CDRT4: variants seen among roughly 807,000 people sequenced by gnomAD.
CDRT4 encodes CMT1A duplicated region transcript 4.
For synonymous variants in CDRT4, 64 were observed against 69.6 expected (o/e 0.92, Z 0.40); for missense variants, 167 against 193.1 (o/e 0.87, Z 0.80).
chr17:15,449,670 T>A (rs1548680), intron 2 of CDRT4, among the ~76,000 whole-genome samples: 26,240 of 152,132 alleles, frequency 0.17, 3,997 homozygotes, highest in East Asian at 0.48. Flanking sequence ...AATATTGAAC[T>A]TTGTACCCAA....
At chr17:15,466,037 A>AAGGGAGGGAG (rs1893591157) in intron 1 of CDRT4, among the ~76,000 whole-genome samples, 1 of 141,810 alleles carries the variant, frequency 7.1e-6, no homozygotes, top group Non-Finnish European at 1.5e-5. Flanking sequence ...GAGGGAGAGA[A>AAGGGAGGGAG]AGGGAGGGAG....
chr17:15,465,830 G>T (rs1980012844), intron 1 of CDRT4, among the ~76,000 whole-genome samples: 1 of 151,336 alleles, frequency 6.6e-6, no homozygotes, highest in Admixed American at 6.6e-5. Flanking sequence ...CATCCACCGT[G>T]GGGAGGACAT....
At position 15,438,137 on chromosome 17, in the gene CDRT4, T is replaced by G. The variant is rs199741582; in HGVS notation, c.95A>C (p.Tyr32Ser). ...LLEKHDPWPA[Y>S]VTYTSQTVKR... ...CACTGTCTGAGAGGTATAGGTGACA[T>G]AGGCCGGCCAGGGGTCATGTTTTTC... Residue 32 changes from tyrosine to serine, a missense_variant, in exon 4 of 4, where the codon TAT becomes TCT. By Grantham distance (144) the Tyr-to-Ser change is moderately radical. Coordinates refer to ENST00000619038, the MANE Select transcript of CDRT4 (RefSeq NM_001204477.2). 6 of 1,614,176 alleles carry G rather than the reference T, an allele frequency of 3.7e-6. No homozygotes were observed. Among genetic ancestry groups the G allele is most frequent in the East Asian group, 2.2e-5 (1 of 44,884 alleles).
At chr17:15,465,209 CAG>C (rs1214603542) in intron 1 of CDRT4, among the ~76,000 whole-genome samples, 1 of 127,406 alleles carries the variant, frequency 7.8e-6, no homozygotes. Context: ...GACACACCAA[CAG>C]ACACACACCA....
chr17:15,442,209 G>A (rs1191805287), intron 2 of CDRT4, among the ~76,000 whole-genome samples: 1 of 152,088 alleles, frequency 6.6e-6, no homozygotes, highest in East Asian at 1.9e-4. Context: ...TTGGGAGTTC[G>A]AGATCAGCCT....
At chr17:15,441,886 C>T (rs943308486) in intron 2 of CDRT4, among the ~76,000 whole-genome samples, 5 of 152,096 alleles carry the variant, frequency 3.3e-5, no homozygotes, top group Admixed American at 3.3e-4. Context: ...AGAAATAATG[C>T]TCAAATAGTC....
intron 2 of CDRT4, among the ~76,000 whole-genome samples, chr17:15,447,818 C>T (rs1294259652): frequency 6.6e-6 from 1 of 152,100 alleles, no homozygotes; most frequent in East Asian, 1.9e-4. Flanking sequence ...AGCTTTTCAA[C>T]CTTTTTCTTC....
chr17:15,457,760 A>G (rs1466421618), intron 1 of CDRT4, among the ~76,000 whole-genome samples: 1 of 152,180 alleles, frequency 6.6e-6, no homozygotes, highest in Non-Finnish European at 1.5e-5. Context: ...GGGGCCACAG[A>G]CAGGGAGGGC....
intron 1 of CDRT4, among the ~76,000 whole-genome samples, chr17:15,458,517 G>C (rs1474512869): frequency 6.6e-6 from 1 of 152,054 alleles, no homozygotes; most frequent in African/African-American, 2.4e-5. Context: ...CTCAGTAGCG[G>C]GGCTGCTGGG....
At chr17:15,443,095 C>T (rs1978844327) in intron 2 of CDRT4, among the ~76,000 whole-genome samples, 1 of 152,050 alleles carries the variant, frequency 6.6e-6, no homozygotes, top group Non-Finnish European at 1.5e-5. Flanking sequence ...ATCTCTCATC[C>T]CACCATTTTC....
intron 2 of CDRT4, among the ~76,000 whole-genome samples, chr17:15,448,843 C>A (rs1466160810): frequency 2.0e-5 from 3 of 152,196 alleles, no homozygotes; most frequent in Non-Finnish European, 4.4e-5. Context: ...GGCACACTGT[C>A]CTCCTTTGCG....
chr17:15,443,683 T>C (rs1264835333), intron 2 of CDRT4: 2 of 421,410 alleles, frequency 4.7e-6, no homozygotes, highest in Non-Finnish European at 9.1e-6. Flanking sequence ...TTCTAGAAAA[T>C]GTCAACATTA....
chr17:15,462,792 A>G (rs1456262870), intron 1 of CDRT4, among the ~76,000 whole-genome samples: 1 of 152,158 alleles, frequency 6.6e-6, no homozygotes, highest in African/African-American at 2.4e-5. Flanking sequence ...TCAGGAGAGT[A>G]GTGACCTCTG....
At chr17:15,453,693 G>C (rs538084332) in intron 1 of CDRT4, among the ~76,000 whole-genome samples, 1 of 152,304 alleles carries the variant, frequency 6.6e-6, no homozygotes, top group South Asian at 2.1e-4. Context: ...ATTCACCAAA[G>C]TTCCCAAAAC....
In CDRT4 at chr17:15,467,604, T is replaced by C. The variant is rs931350606; in HGVS notation, c.-274A>G. ...CTCTTTGCTGCAGCTAACCATCCTCTTGCCCCTGCCCCAAAGTGACCCATG... is the reference window on the plus strand; with the variant it reads ...CTCTTTGCTGCAGCTAACCATCCTCCTGCCCCTGCCCCAAAGTGACCCATG... On this transcript the variant is annotated 5_prime_UTR_variant, in exon 1 of 4. Transcript: ENST00000619038. 7 of 152,148 alleles carry C rather than the reference T, an allele frequency of 4.6e-5. No homozygotes were observed. The highest frequency in any genetic ancestry group is 1.7e-4 in the African/African-American group (7 of 41,374). 9.4% of individuals were successfully genotyped at this position (152,148 alleles called of 1,614,324 possible).
chr17:15,455,365 T>C (rs1490653360), intron 1 of CDRT4, among the ~76,000 whole-genome samples: 1 of 152,166 alleles, frequency 6.6e-6, no homozygotes, highest in Non-Finnish European at 1.5e-5. Flanking sequence ...TTAACAGAAC[T>C]GCAAAGGTGA....
chr17:15,449,598 G>C (rs900189042), intron 2 of CDRT4, among the ~76,000 whole-genome samples: 6 of 152,026 alleles, frequency 3.9e-5, no homozygotes, highest in Non-Finnish European at 5.9e-5. Context: ...CCGTGTGCCT[G>C]TTTGTTACGT....
At chr17:15,439,292 A>T in intron 3 of CDRT4, 1 of 419,322 alleles carries the variant, frequency 2.4e-6, no homozygotes, top group Non-Finnish European at 4.7e-6. Context: ...AAATGCCGTA[A>T]ATGGGGATAA....
rs1005758807 is a variant in CDRT4 at position 15,467,311 on chromosome 17, A to G, written c.-130+149T>C. 8.5e-5 allele frequency: 13 copies of G among 152,282 alleles called. No homozygotes were observed. The East Asian group carries it at 2.3e-3, about 27-fold the overall frequency. 9.4% of individuals were successfully genotyped at this position (152,282 alleles called of 1,614,324 possible). On this transcript the variant is annotated intron_variant, in intron 1 of 3. Transcript: ENST00000619038. ...GGATTGGGATCCACTTAAGGGAAGT[A>G]ATGCTGGGGACTCTGGGGACCCTTT...
Sources: gnomAD v4.1 joint callset for allele counts (sites outside exome capture counted in the v4.1 genomes callset) on GRCh38, gnomAD v4.1.1 for gene constraint, MANE v1.5 for transcripts, NCBI Gene and HGNC (gene_info 2026-07-23, HGNC 2026-07-21) for gene names.